The following GPHN variants were observed in gnomAD, a reference collection of about 807,000 sequenced individuals.
GPHN encodes the protein gephyrin.
In GPHN, 17 loss-of-function variants were observed where a neutral mutation model predicts 95.5. The observed-to-expected ratio is 0.18, with a 90% CI of 0.12 to 0.27. The LOEUF (loss-of-function observed/expected upper bound fraction) is 0.27. Among genes scored for constraint, GPHN ranks in the 10% least tolerant of loss-of-function variants. The pLI, the probability that GPHN is intolerant of heterozygous loss-of-function variation, is 1.00. For missense variants in GPHN, 660 were observed against 978.1 expected (o/e 0.67, Z 4.34); for synonymous variants, 320 against 322.5 (o/e 0.99, Z 0.08).
the GPHN span, among the ~76,000 whole-genome samples, chr14:67,465,903 T>C: frequency 2.0e-4 from 30 of 151,736 alleles, no homozygotes; most frequent in African/African-American, 7.3e-4. Flanking sequence ...GAAATGGGAG[T>C]GATGCTGCCA....
intron 3 of GPHN, among the ~76,000 whole-genome samples, chr14:66,788,554 A>G (rs1338284090): frequency 1.3e-5 from 2 of 152,226 alleles, no homozygotes; most frequent in East Asian, 3.8e-4. Flanking sequence ...ATCATTTCAC[A>G]TTTGACATTG....
chr14:66,862,625 A>G (rs2063072414), intron 4 of GPHN, among the ~76,000 whole-genome samples: 1 of 152,164 alleles, frequency 6.6e-6, no homozygotes, highest in African/African-American at 2.4e-5. Context: ...TCAACAGTAC[A>G]TTAAGATCAT....
At chr14:67,140,190 C>G (rs2080366900) in intron 17 of GPHN, among the ~76,000 whole-genome samples, 1 of 152,150 alleles carries the variant, frequency 6.6e-6, no homozygotes, top group Admixed American at 6.5e-5. Context: ...TCAAGGCCAG[C>G]CTGGCCAACA....
At chr14:66,573,233 A>T (rs1449505364) in intron 1 of GPHN, among the ~76,000 whole-genome samples, 1 of 152,034 alleles carries the variant, frequency 6.6e-6, no homozygotes, top group Non-Finnish European at 1.5e-5. Flanking sequence ...GTGCTGTTTG[A>T]TTCTGTTGTT....
intron 1 of GPHN, among the ~76,000 whole-genome samples, chr14:66,536,259 T>C (rs532021058): frequency 6.6e-6 from 1 of 152,318 alleles, no homozygotes; most frequent in South Asian, 2.1e-4. Flanking sequence ...TCTGATAGTT[T>C]TCTAAATCAT....
intron 4 of GPHN, among the ~76,000 whole-genome samples, chr14:66,841,985 A>G (rs1410923582): frequency 1.3e-5 from 2 of 152,058 alleles, no homozygotes; most frequent in Non-Finnish European, 2.9e-5. Context: ...CCCAAGAGGC[A>G]AGGTTTGCAG....
At chr14:66,843,373 A>G (rs2062175826) in intron 4 of GPHN, among the ~76,000 whole-genome samples, 1 of 152,100 alleles carries the variant, frequency 6.6e-6, no homozygotes. Context: ...TGCCTGTAAC[A>G]CTGTAAGTAG....
chr14:67,467,813 G>C, the GPHN span: 1 of 152,108 alleles, frequency 6.6e-6, no homozygotes, highest in Non-Finnish European at 1.5e-5. Flanking sequence ...AATCTGGGTG[G>C]CCGACTCTTT....
the GPHN span, among the ~76,000 whole-genome samples, chr14:67,314,873 T>A: frequency 1.3e-5 from 2 of 152,074 alleles, no homozygotes; most frequent in African/African-American, 4.8e-5. Flanking sequence ...GGAGGATTGC[T>A]TGAGCCCAGG....
chr14:66,798,555 G>A (rs1222545608), intron 3 of GPHN, among the ~76,000 whole-genome samples: 9 of 151,678 alleles, frequency 5.9e-5, no homozygotes, highest in Admixed American at 5.9e-4. Context: ...TACATATCTA[G>A]GAATTTGTCC....
intron 3 of GPHN, among the ~76,000 whole-genome samples, chr14:66,782,289 A>G (rs2059632199): frequency 6.6e-6 from 1 of 152,260 alleles, no homozygotes; most frequent in Non-Finnish European, 1.5e-5. Context: ...TTCTTTTCTC[A>G]GCACTGTATG....
At chr14:67,157,950 C>A (rs1215581856) in intron 18 of GPHN, among the ~76,000 whole-genome samples, 2 of 151,682 alleles carry the variant, frequency 1.3e-5, no homozygotes, top group Admixed American at 1.3e-4. Flanking sequence ...AGGAATGTGG[C>A]TGGGTGAGAT....
chr14:66,559,308 C>T lies in GPHN; in HGVS notation c.64+50717C>T, dbSNP rs576871717. Among the ~76,000 whole-genome samples, 868 of 148,386 alleles carry T rather than the reference C, an allele frequency of 5.8e-3. 1 individual carries two copies. Among genetic ancestry groups the T allele is most frequent in the Middle Eastern group, 0.024 (7 of 292 alleles). On this transcript the variant is annotated intron_variant, in intron 1 of 22. Transcript: ENST00000478722. The stretch of plus-strand genomic sequence containing the variant: ...TTCTATTTCTAGATCCCTGAGGAAT[C>T]ACCACACTGACTTCCACAATGGTGG...
the GPHN span, chr14:67,204,806 C>G: frequency 1.9e-6 from 3 of 1,613,864 alleles, no homozygotes; most frequent in African/African-American, 2.7e-5. Context: ...GATGTCACCA[C>G]GTTCACAGCC....
At chr14:66,697,561 C>T (rs2068184575) in intron 2 of GPHN, among the ~76,000 whole-genome samples, 1 of 151,130 alleles carries the variant, frequency 6.6e-6, no homozygotes, top group South Asian at 2.1e-4. Flanking sequence ...GTCATGTGAA[C>T]TTTCATTCTT....
chr14:67,254,032 C>G, the GPHN span, among the ~76,000 whole-genome samples: 9 of 142,538 alleles, frequency 6.3e-5, no homozygotes, highest in East Asian at 4.4e-4. Flanking sequence ...TCATCCCCCC[C>G]CCCTTACAAG....
chr14:66,632,624 C>G (rs1004652177), intron 1 of GPHN, among the ~76,000 whole-genome samples: 1 of 151,504 alleles, frequency 6.6e-6, no homozygotes, highest in Non-Finnish European at 1.5e-5. Context: ...TCCTGAGTAG[C>G]TGGGACTGCA....
chr14:67,293,676 A>ACTC, the GPHN span, among the ~76,000 whole-genome samples: 2 of 152,212 alleles, frequency 1.3e-5, no homozygotes, highest in Non-Finnish European at 2.9e-5. Context: ...GCAATTCTGG[A>ACTC]CTCACTTCCA....
chr14:67,716,001 C>T, the GPHN span, among the ~76,000 whole-genome samples: 2 of 152,072 alleles, frequency 1.3e-5, no homozygotes, highest in East Asian at 3.9e-4. Context: ...AGAGACCATC[C>T]TGGCTAACAT....
Sources: gnomAD v4.1 joint callset for allele counts (sites outside exome capture counted in the v4.1 genomes callset) on GRCh38, gnomAD v4.1.1 for gene constraint, MANE v1.5 for transcripts, NCBI Gene and HGNC (gene_info 2026-07-23, HGNC 2026-07-21) for gene names.